Variants in TENM4 observed in about 807,000 individuals in gnomAD.
TENM4 encodes the protein teneurin-4.
Under a neutral mutation model 243.3 loss-of-function variants are expected in TENM4, and 82 were observed. The observed-to-expected ratio is 0.34, with a 90% CI of 0.28 to 0.40. TENM4 has a LOEUF of 0.40. Among genes scored for constraint, TENM4 ranks in the 10% least tolerant of loss-of-function variants. The pLI is 1.00. For missense variants in TENM4, 3,138 were observed against 3,673.3 expected (o/e 0.85, Z 3.77); for synonymous variants, 1,412 against 1,456.3 (o/e 0.97, Z 0.69).
intron 3 of TENM4, among the ~76,000 whole-genome samples, chr11:79,215,335 C>T (rs775960914): frequency 6.6e-6 from 1 of 152,178 alleles, no homozygotes; most frequent in Non-Finnish European, 1.5e-5. Flanking sequence ...TTCTGGACAG[C>T]CTTCCACTCA....
chr11:78,691,907 C>A (rs1377112282), intron 28 of TENM4, among the ~76,000 whole-genome samples: 5 of 152,158 alleles, frequency 3.3e-5, no homozygotes, highest in Non-Finnish European at 7.3e-5. Flanking sequence ...TTGATTGATA[C>A]CTGTAATTAT....
At position 78,772,757 on chromosome 11, in the gene TENM4, A is replaced by G. The variant is rs1856667655; in HGVS notation, c.2393-1619T>C. On this transcript the variant is annotated intron_variant, in intron 17 of 33. Transcript: ENST00000278550. ...TATTTCCACTTGAGATGTTCCACAC[A>G]ACAACCAAGCAATTTGGCCACTGTG... Among the ~76,000 whole-genome samples, 3 of 152,368 alleles carry G rather than the reference A, an allele frequency of 2.0e-5. No individual in the cohort carries two copies. In the South Asian group the frequency reaches 6.2e-4, roughly 32 times the overall value.
At chr11:78,712,414 C>A in intron 26 of TENM4, 68 bp downstream of exon 26, 1 of 1,498,930 alleles carries the variant, frequency 6.7e-7, no homozygotes, top group South Asian at 1.2e-5. Context: ...ATTAATCATG[C>A]ATGTTTTTCT....
At position 79,376,021 on chromosome 11, in the gene TENM4, A is replaced by T. The variant is rs566501344; in HGVS notation, c.-321+64488T>A. Among the ~76,000 whole-genome samples, 10 of 152,356 alleles carry T rather than the reference A, an allele frequency of 6.6e-5. No homozygotes were observed. The South Asian group carries it at 2.1e-3, about 32-fold the overall frequency. On this transcript the variant is annotated intron_variant, in intron 1 of 33. Transcript: ENST00000278550. The stretch of plus-strand genomic sequence containing the variant: ...ACATTCTAAAGGAAAAGTTGTGTTA[A>T]CACCAAGAACACTGGGGGACTGGAT...
At chr11:78,729,310 C>G in intron 22 of TENM4, 66 bp downstream of exon 22, 1 of 1,474,098 alleles carries the variant, frequency 6.8e-7, no homozygotes, top group Non-Finnish European at 9.1e-7. Flanking sequence ...GAAGAAGGAA[C>G]TAGGGAGGTA....
chr11:78,987,024 G>C (rs1857934949), intron 6 of TENM4, among the ~76,000 whole-genome samples: 1 of 152,170 alleles, frequency 6.6e-6, no homozygotes, highest in African/African-American at 2.4e-5. Context: ...CTAATGTCTG[G>C]CCCACAGGAA....
intron 1 of TENM4, among the ~76,000 whole-genome samples, chr11:79,364,389 A>T (rs755895787): frequency 1.4e-4 from 22 of 152,056 alleles, no homozygotes; most frequent in Non-Finnish European, 3.1e-4. Context: ...TTCCCTCATA[A>T]TCTCACTATT....
intron 5 of TENM4, among the ~76,000 whole-genome samples, chr11:79,067,352 C>A (rs926690651): frequency 1.0e-4 from 15 of 146,238 alleles, no homozygotes; most frequent in African/African-American, 3.6e-4. Context: ...CACTCCCTGG[C>A]CGCTCTCTGA....
chr11:79,174,119 A>G (rs555953640), intron 3 of TENM4, among the ~76,000 whole-genome samples: 31 of 152,194 alleles, frequency 2.0e-4, no homozygotes, highest in Non-Finnish European at 3.2e-4. Flanking sequence ...TCTTAAAATA[A>G]AAGCAAAATG....
intron 1 of TENM4, among the ~76,000 whole-genome samples, chr11:79,310,408 A>C (rs1046779394): frequency 2.6e-5 from 4 of 152,248 alleles, no homozygotes; most frequent in Non-Finnish European, 5.9e-5. Flanking sequence ...TGAATAAAGG[A>C]GAGCAGCAAA....
intron 15 of TENM4, among the ~76,000 whole-genome samples, chr11:78,798,724 C>T (rs1043839557): frequency 6.6e-6 from 1 of 152,014 alleles, no homozygotes; most frequent in Non-Finnish European, 1.5e-5. Flanking sequence ...CTTGTGCACA[C>T]GCTGTTCCCT....
At chr11:78,817,338 G>T (rs1202536146) in intron 12 of TENM4, among the ~76,000 whole-genome samples, 1 of 152,172 alleles carries the variant, frequency 6.6e-6, no homozygotes, top group Non-Finnish European at 1.5e-5. Flanking sequence ...GGCTCCTTTA[G>T]TGAGTGGGCA....
chr11:79,159,930 A>G (rs903059099), intron 3 of TENM4, among the ~76,000 whole-genome samples: 2 of 151,734 alleles, frequency 1.3e-5, no homozygotes, highest in African/African-American at 4.8e-5. Flanking sequence ...TCACTCATTC[A>G]CTTGTTAGCT....
intron 4 of TENM4, among the ~76,000 whole-genome samples, chr11:79,125,164 T>C (rs1415416955): frequency 2.6e-5 from 4 of 152,050 alleles, no homozygotes; most frequent in Non-Finnish European, 5.9e-5. Context: ...GCAAAATAAA[T>C]CCATTTGACA....
intron 4 of TENM4, among the ~76,000 whole-genome samples, chr11:79,106,553 A>C (rs1453844750): frequency 6.6e-6 from 1 of 152,256 alleles, no homozygotes; most frequent in Non-Finnish European, 1.5e-5. Flanking sequence ...GCCACATAGT[A>C]GGTGCTTGAC....
intron 30 of TENM4, among the ~76,000 whole-genome samples, chr11:78,674,811 G>A (rs928716602): frequency 1.3e-5 from 2 of 152,072 alleles, no homozygotes; most frequent in Non-Finnish European, 2.9e-5. Flanking sequence ...CTGGGTTCCA[G>A]TTGTGTGATA....
chr11:79,149,169 G>C (rs554023628), intron 3 of TENM4, among the ~76,000 whole-genome samples: 1 of 152,094 alleles, frequency 6.6e-6, no homozygotes, highest in Non-Finnish European at 1.5e-5. Flanking sequence ...CAGGTACTGG[G>C]CATATAATGG....
intron 1 of TENM4, among the ~76,000 whole-genome samples, chr11:79,326,868 G>A (rs1441950885): frequency 3.3e-5 from 5 of 152,196 alleles, no homozygotes; most frequent in African/African-American, 1.2e-4. Context: ...GGCATATGGA[G>A]CATTTTGGTA....
rs148717305 is a variant in TENM4 at position 79,051,279 on chromosome 11, G to A, written c.493+13459C>T. 4.4e-3 allele frequency among the ~76,000 whole-genome samples: 670 copies of A among 152,190 alleles called. 2 individuals are homozygous for A. The highest frequency in any genetic ancestry group is 6.3e-3 in the Non-Finnish European group (426 of 68,010). On this transcript the variant is annotated intron_variant, in intron 6 of 33. Coordinates refer to ENST00000278550, the MANE Select transcript of TENM4 (RefSeq NM_001098816.3). ...GATACCAGAATTATCCCCATTTTAC[G>A]GGTGAGAAGACCGAGGCATGGAGAG...
Sources: allele counts gnomAD v4.1 joint callset (sites outside exome capture counted in the v4.1 genomes callset), GRCh38; gene constraint gnomAD v4.1.1; transcripts MANE v1.5; gene names NCBI Gene and HGNC (gene_info 2026-07-23, HGNC 2026-07-21).